CCDC196: variants seen among roughly 807,000 people sequenced by gnomAD.
CCDC196 encodes coiled-coil domain-containing protein 196.
chr14:66,487,805 G>A (rs1426295552), intron 2 of CCDC196, among the ~76,000 whole-genome samples: 1 of 152,064 alleles, frequency 6.6e-6, no homozygotes, highest in Non-Finnish European at 1.5e-5. Flanking sequence ...GAAGATAGCA[G>A]GTTCTTCAAC....
chr14:66,497,997 A>C (rs1482924317), intron 8 of CCDC196, 112 bp from the exon 9 acceptor site: 7 of 403,568 alleles, frequency 1.7e-5, no homozygotes, highest in Non-Finnish European at 2.7e-5. Flanking sequence ...AAAAATCAGA[A>C]AATTCACATC....
chr14:66,498,028 T>TACAAA (rs888167782), intron 8 of CCDC196, 81 bp from the exon 9 acceptor site: 28 of 404,648 alleles, frequency 6.9e-5, no homozygotes, highest in African/African-American at 5.5e-4. Context: ...CCCACAGTGA[T>TACAAA]ACAAAACAAA....
intron 8 of CCDC196, among the ~76,000 whole-genome samples, chr14:66,494,320 C>T (rs2057612013): frequency 6.6e-6 from 1 of 151,976 alleles, no homozygotes; most frequent in African/African-American, 2.4e-5. Context: ...CTAATGGAGT[C>T]CTATATTTTG....
chr14:66,489,166 C>T, intron 4 of CCDC196, 129 bp downstream of exon 4: 1 of 408,334 alleles, frequency 2.4e-6, no homozygotes, highest in Non-Finnish European at 4.5e-6. Context: ...CCAATCCATT[C>T]TCTACACAGC....
chr14:66,490,625 T>A (rs1264851379), intron 4 of CCDC196, 117 bp from the exon 5 acceptor site: 3 of 396,992 alleles, frequency 7.6e-6, no homozygotes, highest in African/African-American at 6.2e-5. Context: ...ACACTTTTCA[T>A]GCCAGGCCCT....
intron 8 of CCDC196, among the ~76,000 whole-genome samples, chr14:66,497,300 G>A (rs903395913): frequency 7.2e-5 from 11 of 152,176 alleles, no homozygotes; most frequent in African/African-American, 2.4e-4. Flanking sequence ...AATTCAGGGG[G>A]AGAATAAAAT....
intron 1 of CCDC196, 38 bp downstream of exon 1, chr14:66,486,590 GTCTC>G (rs10569333): frequency 4.9e-3 from 1,979 of 399,978 alleles, no homozygotes; most frequent in Middle Eastern, 0.014. Flanking sequence ...AGAAAAGAGG[GTCTC>G]TCTCTCTCTC....
intron 8 of CCDC196, among the ~76,000 whole-genome samples, chr14:66,495,206 T>C (rs1400724126): frequency 2.0e-5 from 3 of 152,174 alleles, no homozygotes; most frequent in Admixed American, 6.6e-5. Flanking sequence ...TAAAATCATC[T>C]CATCATCAAA....
intron 8 of CCDC196, chr14:66,495,849 G>A (rs867176796): frequency 1.3e-5 from 2 of 156,566 alleles, no homozygotes; most frequent in East Asian, 3.7e-4. Flanking sequence ...GCACCAAGGT[G>A]TATTACTGGC....
chr14:66,496,240 TC>T (rs1253464485), intron 8 of CCDC196: 9 of 456,124 alleles, frequency 2.0e-5, no homozygotes, highest in Non-Finnish European at 4.0e-5. Flanking sequence ...TCTAAGCATT[TC>T]CAAGTAGATG....
intron 2 of CCDC196, 91 bp downstream of exon 2, chr14:66,486,900 T>G (rs1256224968): frequency 1.2e-5 from 5 of 408,802 alleles, no homozygotes; most frequent in African/African-American, 2.1e-5. Flanking sequence ...AATTTTTTTT[T>G]TTGTTAATTA....
chr14:66,490,886 G>A, intron 5 of CCDC196, 67 bp downstream of exon 5: 1 of 407,940 alleles, frequency 2.5e-6, no homozygotes, highest in East Asian at 3.6e-5. Flanking sequence ...ACAGCCTGCT[G>A]ACAATCAGGG....
chr14:66,497,031 C>G (rs948798933), intron 8 of CCDC196, among the ~76,000 whole-genome samples: 1 of 152,102 alleles, frequency 6.6e-6, no homozygotes, highest in Non-Finnish European at 1.5e-5. Context: ...TTCCTGATGG[C>G]TGAACTACAC....
intron 2 of CCDC196, among the ~76,000 whole-genome samples, chr14:66,487,908 G>C (rs2057446889): frequency 3.3e-5 from 5 of 152,124 alleles, no homozygotes; most frequent in Non-Finnish European, 1.5e-5. Flanking sequence ...ACTCTCCCTG[G>C]CTGTTGGAGA....
intron 8 of CCDC196, 64 bp from the exon 9 acceptor site, chr14:66,498,045 C>G: frequency 5.0e-6 from 2 of 400,422 alleles, no homozygotes; most frequent in Non-Finnish European, 9.0e-6. Context: ...CAAAACAAAA[C>G]TAGTGGTTTT....
chr14:66,487,775 T>C (rs2057442385), intron 2 of CCDC196, among the ~76,000 whole-genome samples: 1 of 152,096 alleles, frequency 6.6e-6, no homozygotes, highest in Non-Finnish European at 1.5e-5. Context: ...GGTTAGGAAA[T>C]AACTCTGGGA....
At chr14:66,493,658 ACT>A (rs2057595164) in intron 8 of CCDC196, 1 of 151,992 alleles carries the variant, frequency 6.6e-6, no homozygotes, top group African/African-American at 2.4e-5. Context: ...GGTACATAAG[ACT>A]CTCTGGTCTG....
rs1594732401 is a variant in CCDC196 at position 66,488,239 on chromosome 14, G to A, written c.283G>A (p.Glu95Lys). 4.8e-6 allele frequency: 2 copies of A among 413,016 alleles called. No individual in the cohort carries two copies. Among genetic ancestry groups the A allele is most frequent in the South Asian group, 2.5e-4 (2 of 7,858 alleles). The allele number at this position is 413,016 out of a possible 1,614,324, so 25.6% of individuals were successfully genotyped here. The change falls in exon 3 of 10, where the codon GAG (glutamate) becomes AAG (lysine). Residue 95 changes from glutamate to lysine, a missense_variant. Transcript: ENST00000636229. ...SVMELLKEAE[E>K]MKQNLERKNK... ...CATGGAGCTCCTTAAGGAAGCAGAG[G>A]AGATGAAACAGAACTTGGTAAGAAG...
At chr14:66,492,737 A>C (rs963690093) in intron 8 of CCDC196, 1 of 152,662 alleles carries the variant, frequency 6.6e-6, no homozygotes, top group Admixed American at 6.5e-5. Flanking sequence ...TATATTACAT[A>C]CTTAGCATAT....
Sources: allele counts gnomAD v4.1 joint callset (sites outside exome capture counted in the v4.1 genomes callset), GRCh38; gene constraint gnomAD v4.1.1; transcripts MANE v1.5; gene names NCBI Gene and HGNC (gene_info 2026-07-23, HGNC 2026-07-21).